Variants in CDH23 observed in about 807,000 individuals in gnomAD.
CDH23 encodes cadherin-23.
A neutral mutation model predicts 317.1 loss-of-function variants in CDH23; 189 were observed. The ratio of observed to expected loss-of-function variants is 0.60; its 90% CI spans 0.53 to 0.67. The LOEUF (loss-of-function observed/expected upper bound fraction) is 0.67. CDH23 is among the 30% of genes least tolerant of loss of function. CDH23 has a pLI of 0.00. For synonymous variants in CDH23, 1,839 were observed against 1,876.8 expected, an observed-to-expected ratio of 0.98 and a Z score of 0.52; for missense variants, 4,401 against 4,592.4, an observed-to-expected ratio of 0.96 and a Z score of 1.20.
chr10:71,504,175 A>C (rs565156401), intron 3 of CDH23, among the ~76,000 whole-genome samples: 1 of 152,170 alleles, frequency 6.6e-6, no homozygotes, highest in African/African-American at 2.4e-5. Flanking sequence ...TCTGTTGAAA[A>C]CTGAAACTGT....
intron 11 of CDH23, among the ~76,000 whole-genome samples, chr10:71,637,396 T>G (rs1286937741): frequency 1.3e-5 from 2 of 152,096 alleles, no homozygotes; most frequent in Non-Finnish European, 2.9e-5. Flanking sequence ...ACAATAATAA[T>G]AGCTCTCCTC....
At chr10:71,510,924 G>GC in intron 4 of CDH23, 30 bp from the exon 5 acceptor site, 2 of 1,613,450 alleles carry the variant, frequency 1.2e-6, no homozygotes, top group African/African-American at 1.3e-5. Context: ...CCGCCTAACT[G>GC]CCCCCCTCCC....
At chr10:71,667,480 T>C (rs1863965136) in intron 14 of CDH23, among the ~76,000 whole-genome samples, 1 of 151,528 alleles carries the variant, frequency 6.6e-6, no homozygotes, top group Non-Finnish European at 1.5e-5. Context: ...AAGGAAAGTT[T>C]CTAGGAGAGT....
At chr10:71,792,142 G>C (rs1468994004) in intron 47 of CDH23, among the ~76,000 whole-genome samples, 1 of 152,104 alleles carries the variant, frequency 6.6e-6, no homozygotes, top group Non-Finnish European at 1.5e-5. Context: ...GTAAATTAAA[G>C]AATAAAATAT....
chr10:71,809,176 T>TC lies in CDH23; in HGVS notation c.8723-644_8723-643insC, dbSNP rs1354261022. 9.1e-4 allele frequency among the ~76,000 whole-genome samples: 116 copies of TC among 127,030 alleles called. 1 individual carries two copies. The highest frequency in any genetic ancestry group is 3.6e-3 in the Middle Eastern group (1 of 278). 83.3% of individuals were successfully genotyped at this position (127,030 alleles called of 152,430 possible). On this transcript the variant is annotated intron_variant, in intron 60 of 69. Coordinates refer to ENST00000224721, the MANE Select transcript of CDH23 (RefSeq NM_022124.6). ...TGTTGTTTTCTTTTTCCTTTTTTTT[T>TC]TTTTTTTTTTTTTTTGGTGATAGAC... is the stretch of plus-strand genomic sequence containing the variant.
At chr10:71,564,863 A>C (rs1217233859) in intron 6 of CDH23, among the ~76,000 whole-genome samples, 5 of 152,264 alleles carry the variant, frequency 3.3e-5, no homozygotes, top group African/African-American at 1.2e-4. Flanking sequence ...GAATCAAATA[A>C]ACATAAAAGC....
chr10:71,730,818 C>T (rs1839351914), intron 31 of CDH23, among the ~76,000 whole-genome samples: 1 of 152,248 alleles, frequency 6.6e-6, no homozygotes, highest in South Asian at 2.1e-4. Context: ...GTCCCAACCA[C>T]TGGGTGGACA....
intron 1 of CDH23, among the ~76,000 whole-genome samples, chr10:71,438,347 C>CAAAAAAAAAAAAAAAAAAAAAAAAAAAA (rs10596696): frequency 1.8e-4 from 18 of 98,290 alleles, no homozygotes; most frequent in Non-Finnish European, 2.7e-4. Flanking sequence ...CTGTCTCAAA[C>CAAAAAAAAAAAAAAAAAAAAAAAAAAAA]AAAAAAAAAA....
chr10:71,412,490 A>G (rs1297314361), intron 1 of CDH23, among the ~76,000 whole-genome samples: 3 of 152,072 alleles, frequency 2.0e-5, no homozygotes, highest in African/African-American at 4.8e-5. Context: ...TTTATTTTTC[A>G]GAGATGGTTG....
chr10:71,509,914 C>A, intron 3 of CDH23, 168 bp from the exon 4 acceptor site: 2 of 672,208 alleles, frequency 3.0e-6, no homozygotes, highest in Admixed American at 2.3e-5. Context: ...AGGTGGGGTA[C>A]CTGGATCAGA....
intron 34 of CDH23, 106 bp downstream of exon 34, chr10:71,734,764 C>T (rs978101929): frequency 7.4e-6 from 5 of 679,856 alleles, no homozygotes; most frequent in South Asian, 2.7e-5. Context: ...AGAGAAGGCA[C>T]GTGGACAGGC....
At chr10:71,462,280 T>C (rs1851034987) in intron 3 of CDH23, among the ~76,000 whole-genome samples, 1 of 152,238 alleles carries the variant, frequency 6.6e-6, no homozygotes, top group East Asian at 1.9e-4. Flanking sequence ...ACATAATTAC[T>C]CCTGACGGCC....
intron 14 of CDH23, among the ~76,000 whole-genome samples, chr10:71,667,697 G>A (rs1863973676): frequency 6.6e-6 from 1 of 152,114 alleles, no homozygotes; most frequent in South Asian, 2.1e-4. Context: ...GGAAAAGGGT[G>A]AGAGATGATG....
chr10:71,589,160 C>T (rs1212422906), intron 9 of CDH23, among the ~76,000 whole-genome samples: 1 of 152,082 alleles, frequency 6.6e-6, no homozygotes, highest in Non-Finnish European at 1.5e-5. Flanking sequence ...CACTCTGTCA[C>T]TCAGGCTGGA....
chr10:71,675,401 T>G (rs1302840388), intron 15 of CDH23, among the ~76,000 whole-genome samples: 2 of 152,198 alleles, frequency 1.3e-5, no homozygotes, highest in Non-Finnish European at 2.9e-5. Context: ...ACAGCTTATC[T>G]GACCCTCAAA....
At position 71,630,799 on chromosome 10, in the gene CDH23, G is replaced by A. The variant is rs570781683; in HGVS notation, c.1135-13062G>A. Among the ~76,000 whole-genome samples, 92 of 152,300 alleles carry A rather than the reference G, an allele frequency of 6.0e-4. 2 individuals carry two copies. Among genetic ancestry groups the A allele is most frequent in the African/African-American group, 2.2e-3 (90 of 41,558 alleles). ...GTGGTGTCAATGCTCCTCGATGGCCGATCTCAAGCTACTGGCGTGGCCTCA... is the reference window on the plus strand; with the variant it reads ...GTGGTGTCAATGCTCCTCGATGGCCAATCTCAAGCTACTGGCGTGGCCTCA... On this transcript the variant is annotated intron_variant, in intron 11 of 69. Coordinates refer to ENST00000224721, the MANE Select transcript of CDH23 (RefSeq NM_022124.6).
At chr10:71,607,559 G>A (rs987935355) in intron 9 of CDH23, among the ~76,000 whole-genome samples, 1 of 152,332 alleles carries the variant, frequency 6.6e-6, no homozygotes, top group East Asian at 1.9e-4. Context: ...TCACAACTCT[G>A]GGTGAGAGGG....
intron 34 of CDH23, among the ~76,000 whole-genome samples, chr10:71,735,024 G>T (rs1420968904): frequency 2.0e-5 from 3 of 152,256 alleles, no homozygotes; most frequent in Non-Finnish European, 4.4e-5. Context: ...GGTCTAAAAC[G>T]AGGGTCATGC....
chr10:71,571,335 A>G (rs537972336), intron 8 of CDH23, among the ~76,000 whole-genome samples: 17 of 152,284 alleles, frequency 1.1e-4, no homozygotes, highest in African/African-American at 3.8e-4. Flanking sequence ...ACTGCCAGAG[A>G]GGGTGGCAGC....
Sources: allele counts gnomAD v4.1 joint callset (sites outside exome capture counted in the v4.1 genomes callset), GRCh38; gene constraint gnomAD v4.1.1; transcripts MANE v1.5; gene names NCBI Gene and HGNC (gene_info 2026-07-23, HGNC 2026-07-21).